The following ZNF709 variants were observed in gnomAD, a reference collection of about 807,000 sequenced individuals.
ZNF709 encodes zinc finger protein 709.
In ZNF709, 15 loss-of-function variants were observed where a neutral mutation model predicts 10.6. The ratio of observed to expected loss-of-function variants is 1.41; its 90% CI spans 0.95 to 2.18. The LOEUF (loss-of-function observed/expected upper bound fraction) is 2.18. ZNF709 is among the 30% of genes most tolerant of loss of function. The pLI, the probability that ZNF709 is intolerant of heterozygous loss-of-function variation, is 0.00. For synonymous variants in ZNF709, 194 were observed against 238.8 expected (o/e 0.81, Z 1.73); for missense variants, 589 against 774.0 (o/e 0.76, Z 2.84).
intron 1 of ZNF709, among the ~76,000 whole-genome samples, chr19:12,472,026 G>C (rs1970638088): frequency 6.6e-6 from 1 of 152,026 alleles, no homozygotes; most frequent in African/African-American, 2.4e-5. Flanking sequence ...AGTATGCAGA[G>C]TAAAAATAAA....
intron 1 of ZNF709, among the ~76,000 whole-genome samples, chr19:12,473,902 T>G (rs1348097768): frequency 1.3e-5 from 2 of 151,988 alleles, no homozygotes; most frequent in African/African-American, 4.8e-5. Flanking sequence ...AAATCTTAGG[T>G]GGGTGTGGTG....
chr19:12,467,888 T>A (rs1432887576), intron 1 of ZNF709, among the ~76,000 whole-genome samples: 1 of 147,910 alleles, frequency 6.8e-6, no homozygotes, highest in Non-Finnish European at 1.5e-5. Flanking sequence ...GTCTGGGAAG[T>A]GAGGAGCATC....
intron 1 of ZNF709, among the ~76,000 whole-genome samples, chr19:12,483,092 A>G (rs1016333938): frequency 6.6e-6 from 1 of 152,164 alleles, no homozygotes; most frequent in Non-Finnish European, 1.5e-5. Context: ...AGAAAAAAAG[A>G]GAAACAAAAA....
chr19:12,484,703 G>A lies in ZNF709; in HGVS notation c.-46C>T, dbSNP rs1970763864. The A allele has an allele frequency of 4.3e-6, 7 of 1,613,602 alleles. No individual in the cohort carries two copies. The East Asian group carries it at 1.6e-4, about 36-fold the overall frequency. On this transcript the variant is annotated 5_prime_UTR_variant, in exon 1 of 4. Coordinates refer to ENST00000397732, the MANE Select transcript of ZNF709 (RefSeq NM_152601.4). ...CTGGTGTTCTGTTTACCTCTCCCGCGGCCAGCACAGGTCCTACCTCCACCT... is the reference window on the plus strand; with the variant it reads ...CTGGTGTTCTGTTTACCTCTCCCGCAGCCAGCACAGGTCCTACCTCCACCT...
At position 12,464,285 on chromosome 19, in the gene ZNF709, G is replaced by A; in HGVS notation, c.1637C>T (p.Ser546Phe). The A allele has an allele frequency of 3.7e-6, 6 of 1,604,926 alleles. No homozygotes were observed. The highest frequency in any genetic ancestry group is 5.1e-6 in the Non-Finnish European group (6 of 1,175,782). Residue 546 changes from serine to phenylalanine, a missense_variant, in exon 4 of 4, where the codon TCC (serine) becomes TTC (phenylalanine). Ser to Phe is a radical substitution (Grantham distance 155). Transcript: ENST00000397732. The part of the protein sequence containing the change: ...QCGKAFSCSS[S>F]IRIHERTHTG... ...GTGAGTCCTTTCATGTATTCGAATG[G>A]AACTGGAACAACTAAACGCCTTACC... is the stretch of plus-strand genomic sequence containing the variant.
intron 1 of ZNF709, among the ~76,000 whole-genome samples, chr19:12,473,999 T>C (rs554908698): frequency 1.8e-4 from 27 of 152,360 alleles, no homozygotes; most frequent in African/African-American, 6.0e-4. Flanking sequence ...TGAGCCACGA[T>C]TGTGCCATTG....
Position 12,483,307 on chromosome 19 carries a change from A to ATT in ZNF709, c.3+1346_3+1347dup, listed in dbSNP as rs35777030. On this transcript the variant is annotated intron_variant, in intron 1 of 3. Transcript: ENST00000397732. Reference sequence around the variant, plus strand: ...AAGTGCAGGCCATTACGCCCAGCTAATTTTTTTTTTTTTTTTTTTTTTTTC... The same window carrying ATT: ...AAGTGCAGGCCATTACGCCCAGCTAATTTTTTTTTTTTTTTTTTTTTTTTTTC... 8.6e-3 allele frequency among the ~76,000 whole-genome samples: 817 copies of ATT among 95,070 alleles called. 3 individuals carry two copies. Among genetic ancestry groups the ATT allele is most frequent in the African/African-American group, 0.013 (358 of 26,528 alleles). 62.4% of individuals were successfully genotyped at this position (95,070 alleles called of 152,430 possible).
In ZNF709 at chr19:12,464,803, A is replaced by G. The variant is rs778942963; in HGVS notation, c.1119T>C (p.Phe373=). The change falls in exon 4 of 4, where the codon TTT becomes TTC. Residue 373 remains phenylalanine (F), a synonymous_variant. Transcript: ENST00000397732. ...PYKCKECGKA[F]DCPSSFQIHE... ...GGATTTGAAAAGAACTAGGACAATC[A>G]AAGGCTTTCCCACATTCCTTGCATT... The G allele has an allele frequency of 1.2e-6, 2 of 1,613,282 alleles. No individual in the cohort carries two copies. Among genetic ancestry groups the G allele is most frequent in the East Asian group, 4.5e-5 (2 of 44,844 alleles).
chr19:12,465,978 T>C (rs1441012702), intron 3 of ZNF709, among the ~76,000 whole-genome samples: 1 of 151,624 alleles, frequency 6.6e-6, no homozygotes, highest in African/African-American at 2.4e-5. Flanking sequence ...TCTTACTCTG[T>C]TGCCCAGGCT....
At position 12,463,925 on chromosome 19, in the gene ZNF709, TCAAAAAA is replaced by T; in HGVS notation, c.*64_*70del. On this transcript the variant is annotated 3_prime_UTR_variant, in exon 4 of 4. Transcript: ENST00000397732. ...CAGGGCAACAGAGTGAGAATTCAAC[TCAAAAAA>T]AAAAAAAAAAAAAAAGGAAATAGGA... 1 of 820,028 alleles carries T rather than the reference TCAAAAAA, an allele frequency of 1.2e-6. No homozygotes were observed. Among genetic ancestry groups the T allele is most frequent in the Non-Finnish European group, 1.6e-6 (1 of 624,784 alleles). 50.8% of individuals were successfully genotyped at this position (820,028 alleles called of 1,614,324 possible).
chr19:12,468,716 A>G (rs1429100924), intron 1 of ZNF709, among the ~76,000 whole-genome samples: 5 of 151,958 alleles, frequency 3.3e-5, no homozygotes, highest in African/African-American at 4.8e-5. Context: ...AAGAAATGCT[A>G]TACGATTGAA....
rs376984613 is a variant in ZNF709 at position 12,464,028 on chromosome 19, G to A, written c.1894C>T (p.Arg632Ter). ...CCACTATGAACTCTTTCATGTATTC[G>A]AAAGGAACGGGAACACTTGAAGGCT... is the stretch of plus-strand genomic sequence containing the variant. ...GKAFKCSRSF[R>*]IHERVHSGE The change falls in exon 4 of 4, where the codon CGA (arginine) becomes TGA (stop). Residue 632 changes from arginine to a stop codon, truncating the protein, a stop_gained. Coordinates refer to ENST00000397732, the MANE Select transcript of ZNF709 (RefSeq NM_152601.4). LOFTEE classifies it low-confidence loss of function (END_TRUNC). The A allele has an allele frequency of 1.5e-5, 23 of 1,499,188 alleles. No homozygotes were observed. Among genetic ancestry groups the A allele is most frequent in the Non-Finnish European group, 1.7e-5 (19 of 1,127,318 alleles). 92.9% of individuals were successfully genotyped at this position (1,499,188 alleles called of 1,614,324 possible). A position where few individuals can be genotyped will look rare whatever the true frequency, so the allele number is the denominator to read the frequency against.
At chr19:12,484,523 G>A (rs1970761367) in intron 1 of ZNF709, 132 bp downstream of exon 1, 2 of 1,269,842 alleles carry the variant, frequency 1.6e-6, no homozygotes, top group Non-Finnish European at 2.2e-6. Context: ...GGGCCGAGCT[G>A]CGCCAGGAGG....
intron 1 of ZNF709, among the ~76,000 whole-genome samples, chr19:12,469,209 T>C (rs1970613235): frequency 6.6e-6 from 1 of 152,130 alleles, no homozygotes; most frequent in Non-Finnish European, 1.5e-5. Context: ...ATGATTACAC[T>C]GAAAAGCCAG....
Position 12,464,088 on chromosome 19 carries a change from C to T in ZNF709, c.1834G>A (p.Gly612Arg). Reference protein sequence around the residue: ...SFRIHERTHTGEKPYACQQCG... With the variant: ...SFRIHERTHTREKPYACQQCG... ...TGTTGACATGCATAGGGTTTCTCTC[C>T]AGTGTGAGTTCGTTCATGGATTCGA... Residue 612 changes from glycine to arginine, a missense_variant, in exon 4 of 4, where the codon GGA becomes AGA. By Grantham distance (125) the Gly-to-Arg change is moderately radical. Coordinates refer to ENST00000397732, the MANE Select transcript of ZNF709 (RefSeq NM_152601.4). The T allele has an allele frequency of 5.1e-6, 8 of 1,560,626 alleles. No homozygotes were observed. In the Admixed American group the frequency reaches 9.9e-5, roughly 19 times the overall value.
At position 12,462,388 on chromosome 19, in the gene ZNF709, TA is replaced by T. The variant is rs1229582505; in HGVS notation, c.*1607del. The T allele has an allele frequency of 6.6e-6, 1 of 152,222 alleles. No homozygotes were observed. Among genetic ancestry groups the T allele is most frequent in the Non-Finnish European group, 1.5e-5 (1 of 68,044 alleles). The allele number at this position is 152,222 out of a possible 1,614,324, so 9.4% of individuals were successfully genotyped here. A position where few individuals can be genotyped will look rare whatever the true frequency, so the allele number is the denominator to read the frequency against. On this transcript the variant is annotated 3_prime_UTR_variant, in exon 4 of 4. Transcript: ENST00000397732. Reference sequence around the variant, plus strand: ...ATTATAGAAAACATAGGTCACAACATAACCCATGTTAACACAATCCAGGACA... The same window carrying T: ...ATTATAGAAAACATAGGTCACAACATACCCATGTTAACACAATCCAGGACA...
chr19:12,462,651 T>C lies in ZNF709; in HGVS notation c.*1345A>G, dbSNP rs898781997. 6.6e-6 allele frequency: 1 copy of C among 152,156 alleles called. No individual in the cohort carries two copies. The highest frequency in any genetic ancestry group is 1.5e-5 in the Non-Finnish European group (1 of 68,018). The allele number at this position is 152,156 out of a possible 1,614,324, so 9.4% of individuals were successfully genotyped here. ...CTCTGTCTTCCTCTAAAAAAGCCTC[T>C]TTTGGTCAGAAAGATGAAATACATA... On this transcript the variant is annotated 3_prime_UTR_variant, in exon 4 of 4. Coordinates refer to ENST00000397732, the MANE Select transcript of ZNF709 (RefSeq NM_152601.4).
In ZNF709 at chr19:12,465,484, C is replaced by T. The variant is rs1970561808; in HGVS notation, c.438G>A (p.Gly146=). 1.3e-5 allele frequency: 21 copies of T among 1,609,964 alleles called. No homozygotes were observed. The highest frequency in any genetic ancestry group is 1.8e-5 in the Non-Finnish European group (21 of 1,178,446). ...ATGAACTTCGAAAGCTGAATCTTTT[C>T]CCACATTCCTTACATTCATATGATT... is the stretch of plus-strand genomic sequence containing the variant. The part of the protein sequence containing the change: ...GEKSYECKEC[G]KRFSFRSSFR... Residue 146 remains glycine, a synonymous_variant, in exon 4 of 4, where the codon GGG becomes GGA. Coordinates refer to ENST00000397732, the MANE Select transcript of ZNF709 (RefSeq NM_152601.4).
chr19:12,465,705 T>C lies in ZNF709; in HGVS notation c.217A>G (p.Arg73Gly), dbSNP rs760608136. ...TCTCCAAACTGACTACCTTCTTTCC[T>C]TTCACAGAGCCTCTCTACCATATGA... The part of the protein sequence containing the change: ...RSHMVERLCE[R>G]KEGSQFGETI... The change falls in exon 4 of 4, where the codon AGG becomes GGG. Residue 73 changes from arginine to glycine, a missense_variant. Arg to Gly is a moderately radical substitution (Grantham distance 125). This residue lies in a region of ZNF709 where 418 missense variants were observed against 496.3 expected (regional missense o/e 0.84). Coordinates refer to ENST00000397732, the MANE Select transcript of ZNF709 (RefSeq NM_152601.4). The C allele has an allele frequency of 6.3e-7, 1 of 1,597,832 alleles. No homozygotes were observed. Among genetic ancestry groups the C allele is most frequent in the Admixed American group, 1.8e-5 (1 of 56,864 alleles).
Sources: allele counts gnomAD v4.1 joint callset (sites outside exome capture counted in the v4.1 genomes callset), GRCh38; gene constraint gnomAD v4.1.1; regional missense constraint gnomAD v4.1.1; transcripts MANE v1.5; gene names NCBI Gene and HGNC (gene_info 2026-07-23, HGNC 2026-07-21).